IARS1: variants seen among roughly 807,000 people sequenced by gnomAD.
The protein encoded by IARS1 is isoleucyl-tRNA synthetase 1.
In IARS1, 124 loss-of-function variants were observed where a neutral mutation model predicts 168.2. The ratio of observed to expected loss-of-function variants is 0.74; its 90% confidence interval spans 0.64 to 0.86. IARS1 has a LOEUF of 0.86. Ranked by LOEUF, IARS1 falls within the 40% of genes least tolerant of loss-of-function variation. The pLI is 0.00. For synonymous variants in IARS1, 532 were observed against 529.4 expected, an observed-to-expected ratio of 1.00 and a Z score of -0.07; for missense variants, 1,452 against 1,515.8, an observed-to-expected ratio of 0.96 and a Z score of 0.70.
chr9:92,259,350 C>T (rs1009339785), intron 18 of IARS1, among the ~76,000 whole-genome samples: 22 of 152,270 alleles, frequency 1.4e-4, no homozygotes, highest in Non-Finnish European at 2.4e-4. Flanking sequence ...CCCACGGACA[C>T]GACCTGCATC....
intron 30 of IARS1, 165 bp downstream of exon 30, chr9:92,240,691 C>T: frequency 1.4e-6 from 1 of 718,302 alleles, no homozygotes; most frequent in South Asian, 1.5e-5. Context: ...CTGCATCTCG[C>T]CTAGTGAATT....
chr9:92,227,403 C>T lies in IARS1; in HGVS notation c.3409+1598G>A, dbSNP rs1342686871. Among the ~76,000 whole-genome samples, 13 of 140,744 alleles carry T rather than the reference C, an allele frequency of 9.2e-5. No individual in the cohort carries two copies. The South Asian group carries it at 2.5e-3, about 27-fold the overall frequency. 92.3% of individuals were successfully genotyped at this position (140,744 alleles called of 152,430 possible). On this transcript the variant is annotated intron_variant, in intron 31 of 33. Coordinates refer to ENST00000443024, the MANE Select transcript of IARS1 (RefSeq NM_002161.6). Reference sequence around the variant, plus strand: ...GCGGCCGGGCAGAGGCGCCCCTCACCTCCCGGACAGGGCGGCTGGCCGGGC... The same window carrying T: ...GCGGCCGGGCAGAGGCGCCCCTCACTTCCCGGACAGGGCGGCTGGCCGGGC...
At chr9:92,250,678 G>A in intron 23 of IARS1, 35 bp downstream of exon 23, 1 of 1,564,518 alleles carries the variant, frequency 6.4e-7, no homozygotes, top group Non-Finnish European at 8.6e-7. Flanking sequence ...TCCCCTCCTT[G>A]GCACAGGTGA....
chr9:92,250,009 A>T, intron 24 of IARS1, 68 bp from the exon 25 acceptor site: 1 of 972,430 alleles, frequency 1.0e-6, no homozygotes, highest in Non-Finnish European at 1.7e-6. Flanking sequence ...AAAATGGAAT[A>T]TTAAATGTTT....
At chr9:92,287,965 T>C (rs1470313635) in intron 3 of IARS1, 55 bp from the exon 4 acceptor site, 2 of 1,597,688 alleles carry the variant, frequency 1.3e-6, no homozygotes, top group African/African-American at 2.7e-5. Context: ...CAACTGCAAC[T>C]ATGCAACTCT....
chr9:92,289,477 C>T (rs1428612089), intron 1 of IARS1, 51 bp from the exon 2 acceptor site: 2 of 816,562 alleles, frequency 2.4e-6, no homozygotes, highest in Non-Finnish European at 2.2e-6. Flanking sequence ...CTAGGAATAA[C>T]AGAGTACCAT....
chr9:92,254,491 G>A (rs1830449623), intron 20 of IARS1, among the ~76,000 whole-genome samples: 2 of 152,212 alleles, frequency 1.3e-5, no homozygotes, highest in South Asian at 2.1e-4. Flanking sequence ...GCTGCTCTCT[G>A]CTGCTTTTCA....
At chr9:92,286,298 C>T (rs758754710) in intron 5 of IARS1, among the ~76,000 whole-genome samples, 41 of 152,264 alleles carry the variant, frequency 2.7e-4, no homozygotes, top group Non-Finnish European at 4.6e-4. Flanking sequence ...ACCTGAGAGG[C>T]GGAGGTTGCA....
chr9:92,288,180 C>A lies in IARS1; in HGVS notation c.222G>T (p.Gln74His). The change falls in exon 3 of 34, where the codon CAG (glutamine) becomes CAT (histidine). Residue 74 changes from glutamine to histidine, a missense_variant. Physicochemically the swap from Gln to His is conservative, Grantham distance 24. Transcript: ENST00000443024. ...IKDIVTRYAHQSGFHVDRRFG... is the reference protein window; with the variant it reads ...IKDIVTRYAHHSGFHVDRRFG... The stretch of plus-strand genomic sequence containing the variant: ...ATCTTCTGTCAACATGAAACCCACT[C>A]TGGTGAGCATATCTTGTAACTATAT... The A allele has an allele frequency of 6.2e-7, 1 of 1,614,076 alleles. No homozygotes were observed. The highest frequency in any genetic ancestry group is 8.5e-7 in the Non-Finnish European group (1 of 1,179,962).
intron 33 of IARS1, among the ~76,000 whole-genome samples, chr9:92,218,727 C>A (rs1179329607): frequency 4.9e-4 from 57 of 115,864 alleles, no homozygotes; most frequent in South Asian, 1.2e-3. Flanking sequence ...ATGTGAAGGA[C>A]CTCTTCAAGG....
chr9:92,238,203 A>G (rs1031058040), intron 30 of IARS1, among the ~76,000 whole-genome samples: 1 of 151,982 alleles, frequency 6.6e-6, no homozygotes, highest in Non-Finnish European at 1.5e-5. Context: ...TGTGCCTGGC[A>G]TATTTGTTCT....
intron 33 of IARS1, among the ~76,000 whole-genome samples, chr9:92,214,988 G>C (rs2133327569): frequency 6.6e-6 from 1 of 152,330 alleles, no homozygotes; most frequent in South Asian, 2.1e-4. Flanking sequence ...CAAACAAAAA[G>C]ACAGCAGTAA....
intron 11 of IARS1, 117 bp from the exon 12 acceptor site, chr9:92,271,193 A>G: frequency 1.6e-6 from 1 of 623,594 alleles, no homozygotes; most frequent in Non-Finnish European, 2.6e-6. Flanking sequence ...AATATTATTT[A>G]TTATTTTTAG....
At chr9:92,222,737 GC>G in intron 32 of IARS1, 65 bp from the exon 33 acceptor site, 1 of 1,561,244 alleles carries the variant, frequency 6.4e-7, no homozygotes, top group East Asian at 2.2e-5. Flanking sequence ...AAAAGAGGTG[GC>G]CACTGCGGAC....
At chr9:92,235,790 G>T (rs1008487647) in intron 30 of IARS1, among the ~76,000 whole-genome samples, 1 of 151,986 alleles carries the variant, frequency 6.6e-6, no homozygotes, top group South Asian at 2.1e-4. Context: ...CTCCCAAAGT[G>T]CTGGGATTAC....
At chr9:92,284,453 T>C (rs1201903022) in intron 6 of IARS1, among the ~76,000 whole-genome samples, 1 of 151,458 alleles carries the variant, frequency 6.6e-6, no homozygotes, top group African/African-American at 2.5e-5. Context: ...TGTTTACTTT[T>C]GCATGTCCCT....
Position 92,264,614 on chromosome 9 carries a change from G to C in IARS1, c.1700+315C>G, listed in dbSNP as rs1587836375. 7.2e-5 allele frequency among the ~76,000 whole-genome samples: 11 copies of C among 152,268 alleles called. No individual in the cohort carries two copies. In the South Asian group the frequency reaches 2.3e-3, roughly 32 times the overall value. The stretch of plus-strand genomic sequence containing the variant: ...TTTATGCAAATACTCAAACATTTGA[G>C]TAAATGATCTGACGTAAGCTAAGAA... On this transcript the variant is annotated intron_variant, in intron 16 of 33. Coordinates refer to ENST00000443024, the MANE Select transcript of IARS1 (RefSeq NM_002161.6).
chr9:92,250,142 T>G (rs778933189), intron 24 of IARS1, 45 bp downstream of exon 24: 1 of 1,243,398 alleles, frequency 8.0e-7, no homozygotes, highest in Admixed American at 1.7e-5. Flanking sequence ...AAACACTTAA[T>G]TAATTTAGGT....
intron 6 of IARS1, among the ~76,000 whole-genome samples, chr9:92,283,495 T>A (rs1391002630): frequency 6.6e-6 from 1 of 151,958 alleles, no homozygotes; most frequent in African/African-American, 2.4e-5. Context: ...AATACAAAAC[T>A]TAGCTGGGCA....
Sources: gnomAD v4.1 joint callset for allele counts (sites outside exome capture counted in the v4.1 genomes callset) on GRCh38, gnomAD v4.1.1 for gene constraint, MANE v1.5 for transcripts, NCBI Gene and HGNC (gene_info 2026-07-23, HGNC 2026-07-21) for gene names.